Variants in SCAND3 observed in about 807,000 individuals in gnomAD.
The protein encoded by SCAND3 is SCAN domain containing 3, also known as SCAN domain-containing protein 3.
chr6:28,603,830 C>T, the SCAND3 span, among the ~76,000 whole-genome samples: 2 of 152,106 alleles, frequency 1.3e-5, no homozygotes, highest in Admixed American at 1.3e-4. Context: ...GTAAAATCAG[C>T]TGGATTTACA....
the SCAND3 span, chr6:28,576,086 G>C: frequency 6.2e-7 from 1 of 1,609,076 alleles, no homozygotes; most frequent in Non-Finnish European, 8.5e-7. Flanking sequence ...AAGCTACTGA[G>C]GTTATCACCA....
the SCAND3 span, among the ~76,000 whole-genome samples, chr6:28,601,827 C>CA: frequency 3.3e-5 from 5 of 152,124 alleles, no homozygotes; most frequent in Non-Finnish European, 7.4e-5. Flanking sequence ...GCAGAATTCT[C>CA]ACTCTTAAGG....
the SCAND3 span, among the ~76,000 whole-genome samples, chr6:28,609,303 T>C: frequency 6.6e-6 from 1 of 152,198 alleles, no homozygotes; most frequent in Non-Finnish European, 1.5e-5. Context: ...GTAAAGAAGC[T>C]GGTTGCAAAG....
the SCAND3 span, chr6:28,572,877 T>G: frequency 1.2e-6 from 2 of 1,614,040 alleles, no homozygotes; most frequent in African/African-American, 2.7e-5. The surrounding 1 kb of genome is among the most constrained non-coding windows in gnomAD (Gnocchi z 4.1). Context: ...TGGCAAGACT[T>G]TCTCGATGAA....
the SCAND3 span, chr6:28,587,219 C>T: frequency 3.3e-4 from 52 of 158,402 alleles, no homozygotes; most frequent in South Asian, 6.6e-3. Context: ...GGAGCTCAGA[C>T]CCTGTGGAAC....
chr6:28,593,379 GTTT>G, the SCAND3 span, among the ~76,000 whole-genome samples: 4 of 147,294 alleles, frequency 2.7e-5, no homozygotes, highest in African/African-American at 9.9e-5. Context: ...ATTAGAATGA[GTTT>G]TTTTTTTTTT....
the SCAND3 span, among the ~76,000 whole-genome samples, chr6:28,599,236 C>T: frequency 6.6e-6 from 1 of 152,216 alleles, no homozygotes; most frequent in Non-Finnish European, 1.5e-5. Flanking sequence ...TCAGTTCTTT[C>T]CATTTGGTCT....
chr6:28,572,948 A>T, the SCAND3 span: 1 of 1,614,016 alleles, frequency 6.2e-7, no homozygotes, highest in South Asian at 1.1e-5. This position sits in a 1 kb window ranked among gnomAD's most constrained non-coding sequence, Gnocchi z 4.1. Flanking sequence ...ACCACTTCAG[A>T]ATGTTTTCCT....
At chr6:28,595,195 C>CAAAAAAAA in the SCAND3 span, among the ~76,000 whole-genome samples, 58 of 16,114 alleles carry the variant, frequency 3.6e-3, 14 homozygotes, top group African/African-American at 8.5e-3. Context: ...CCGTCACTAC[C>CAAAAAAAA]AAAAAAAAAA....
chr6:28,606,578 C>G, the SCAND3 span, among the ~76,000 whole-genome samples: 1 of 152,112 alleles, frequency 6.6e-6, no homozygotes, highest in African/African-American at 2.4e-5. Flanking sequence ...AGAGTTTTGT[C>G]GGAGGTAAAC....
At chr6:28,589,591 A>T in the SCAND3 span, 1 of 152,210 alleles carries the variant, frequency 6.6e-6, no homozygotes, top group Non-Finnish European at 1.5e-5. Context: ...CTATCCAAGC[A>T]TGAAAGTACC....
At chr6:28,575,139 T>C in the SCAND3 span, 4 of 1,614,180 alleles carry the variant, frequency 2.5e-6, no homozygotes, top group South Asian at 4.4e-5. This position sits in a 1 kb window ranked among gnomAD's most constrained non-coding sequence, Gnocchi z 4.2. Context: ...CAGAGCTAAA[T>C]GCACTTTCAC....
chr6:28,599,860 G>C, the SCAND3 span, among the ~76,000 whole-genome samples: 1 of 151,936 alleles, frequency 6.6e-6, no homozygotes, highest in Non-Finnish European at 1.5e-5. Flanking sequence ...TTTGACAAGA[G>C]AGCAAAGGCA....
chr6:28,575,891 G>A, the SCAND3 span: 1 of 1,613,938 alleles, frequency 6.2e-7, no homozygotes, highest in Non-Finnish European at 8.5e-7. The surrounding 1 kb of genome is among the most constrained non-coding windows in gnomAD (Gnocchi z 4.2). Context: ...CTAGCCAAGC[G>A]ACGGTAGTCA....
chr6:28,572,726 G>GT, the SCAND3 span: 1 of 1,614,090 alleles, frequency 6.2e-7, no homozygotes, highest in Non-Finnish European at 8.5e-7. This position sits in a 1 kb window ranked among gnomAD's most constrained non-coding sequence, Gnocchi z 4.1. Context: ...TCAGCATGCA[G>GT]TAACAGTTGC....
At chr6:28,588,932 G>A in the SCAND3 span, among the ~76,000 whole-genome samples, 221 of 152,328 alleles carry the variant, frequency 1.5e-3, no homozygotes, top group African/African-American at 5.0e-3. The surrounding 1 kb of genome is among the most constrained non-coding windows in gnomAD (Gnocchi z 4.1). Flanking sequence ...CTTGGGAAGA[G>A]GTTGCTCTGT....
At chr6:28,601,331 TAAG>T in the SCAND3 span, among the ~76,000 whole-genome samples, 2 of 152,188 alleles carry the variant, frequency 1.3e-5, no homozygotes, top group Admixed American at 1.3e-4. Context: ...ATGAATGAAA[TAAG>T]AATGGTAAAT....
chr6:28,576,022 C>T, the SCAND3 span: 1 of 1,613,826 alleles, frequency 6.2e-7, no homozygotes, highest in African/African-American at 1.3e-5. Context: ...TGCTAAGCTT[C>T]TGAAGAACTT....
At chr6:28,589,859 T>TTTG in the SCAND3 span, 8 of 147,714 alleles carry the variant, frequency 5.4e-5, no homozygotes, top group Non-Finnish European at 1.2e-4. Flanking sequence ...TTTGTTTGTT[T>TTTG]TTTTTTTTTT....
Sources: allele counts gnomAD v4.1 joint callset (sites outside exome capture counted in the v4.1 genomes callset), GRCh38; gene constraint gnomAD v4.1.1; non-coding constraint Gnocchi (gnomAD v3.1); transcripts MANE v1.5; gene names NCBI Gene and HGNC (gene_info 2026-07-23, HGNC 2026-07-21).